The following DGKI variants were observed in gnomAD, a reference collection of about 807,000 sequenced individuals.
DGKI encodes DAG kinase iota.
In DGKI, 55 loss-of-function variants were observed where a neutral mutation model predicts 147.5. The ratio of observed to expected loss-of-function variants is 0.37; its 90% CI spans 0.30 to 0.47. DGKI has a LOEUF of 0.47. DGKI is among the 20% of genes least tolerant of loss of function. The probability of loss-of-function intolerance (pLI) is 1.00; values close to 1 mark genes in which losing one functional copy is unlikely to be tolerated. For synonymous variants in DGKI, 469 were observed against 477.1 expected (o/e 0.98, Z 0.22); for missense variants, 1,007 against 1,323.8 (o/e 0.76, Z 3.71).
At chr7:137,554,230 AGAGTAT>A (rs1462415254) in intron 19 of DGKI, among the ~76,000 whole-genome samples, 2 of 152,360 alleles carry the variant, frequency 1.3e-5, no homozygotes, top group South Asian at 4.1e-4. Flanking sequence ...GGAACAAATT[AGAGTAT>A]AAGTAATTTT....
At chr7:137,468,986 C>A (rs1814770909) in intron 24 of DGKI, among the ~76,000 whole-genome samples, 1 of 152,096 alleles carries the variant, frequency 6.6e-6, no homozygotes, top group Non-Finnish European at 1.5e-5. Context: ...TAGTATTAGG[C>A]AGCATCTAGG....
At chr7:137,409,890 C>G (rs748234728) in intron 29 of DGKI, among the ~76,000 whole-genome samples, 2 of 151,970 alleles carry the variant, frequency 1.3e-5, no homozygotes, top group African/African-American at 4.8e-5. Context: ...CTCTTTGTCT[C>G]TCTCTCTCTC....
At chr7:137,736,807 G>A (rs1795036598) in intron 1 of DGKI, among the ~76,000 whole-genome samples, 1 of 152,052 alleles carries the variant, frequency 6.6e-6, no homozygotes, top group Non-Finnish European at 1.5e-5. Flanking sequence ...AGACCTTGTT[G>A]CAGGCCCTCA....
In DGKI at chr7:137,485,431, TG is replaced by T; in HGVS notation, c.2329-14del. On this transcript the variant is annotated splice_polypyrimidine_tract_variant and intron_variant, in intron 22 of 32. Transcript: ENST00000614521. ...CTGACTGTAGGTCCTAATGAGAAAATGAAAAAAAAAATCCATACCTTAAAAT... is the reference window on the plus strand; with the variant it reads ...CTGACTGTAGGTCCTAATGAGAAAATAAAAAAAAAATCCATACCTTAAAAT... The T allele has an allele frequency of 6.3e-7, 1 of 1,589,038 alleles. No homozygotes were observed.
chr7:137,798,043 A>G (rs571531833), intron 1 of DGKI, among the ~76,000 whole-genome samples: 6 of 152,288 alleles, frequency 3.9e-5, no homozygotes, highest in African/African-American at 1.4e-4. Flanking sequence ...TTACTGAAAT[A>G]TAAGGGAATA....
At chr7:137,610,987 T>C (rs1260021601) in intron 8 of DGKI, among the ~76,000 whole-genome samples, 1 of 152,216 alleles carries the variant, frequency 6.6e-6, no homozygotes, top group South Asian at 2.1e-4. Flanking sequence ...GAGGAGCTCA[T>C]GGGTGCTCTA....
intron 20 of DGKI, among the ~76,000 whole-genome samples, chr7:137,534,391 C>G (rs907168200): frequency 6.6e-6 from 1 of 151,952 alleles, no homozygotes; most frequent in Non-Finnish European, 1.5e-5. Flanking sequence ...AAATATTTTA[C>G]TCACAAAGAC....
chr7:137,578,331 A>T lies in DGKI; in HGVS notation c.1643-6T>A. The T allele has an allele frequency of 6.2e-7, 1 of 1,612,800 alleles. No homozygotes were observed. Among genetic ancestry groups the T allele is most frequent in the African/African-American group, 1.3e-5 (1 of 75,000 alleles). On this transcript the variant is annotated splice_region_variant and splice_polypyrimidine_tract_variant and intron_variant, in intron 15 of 32. Transcript: ENST00000614521. The stretch of plus-strand genomic sequence containing the variant: ...GAATTTCTCTGGATTTGCTTCTGTG[A>T]AAGAGGAAAAGTAGTTTTGTTATGG...
intron 6 of DGKI, among the ~76,000 whole-genome samples, chr7:137,643,372 CCAATGTTTGGAGTGAA>C (rs1354161007): frequency 6.7e-6 from 1 of 150,122 alleles, no homozygotes; most frequent in Non-Finnish European, 1.5e-5. Flanking sequence ...ATGTATAGCA[CCAATGTTTGGAGTGAA>C]TTTTCATTAC....
At chr7:137,519,732 A>C (rs1009174480) in intron 21 of DGKI, among the ~76,000 whole-genome samples, 2 of 152,082 alleles carry the variant, frequency 1.3e-5, no homozygotes, top group African/African-American at 4.8e-5. Flanking sequence ...CAAAAGAGTA[A>C]AGGTTAGTAG....
chr7:137,736,247 G>A (rs1016488113), intron 1 of DGKI, among the ~76,000 whole-genome samples: 2 of 152,018 alleles, frequency 1.3e-5, no homozygotes, highest in Non-Finnish European at 2.9e-5. Flanking sequence ...TATGAATGCT[G>A]GAAACATCAG....
At chr7:137,453,464 T>C (rs1314284925) in intron 27 of DGKI, among the ~76,000 whole-genome samples, 2 of 152,222 alleles carry the variant, frequency 1.3e-5, no homozygotes, top group Non-Finnish European at 2.9e-5. Context: ...AATCCTCTCT[T>C]TGTTTGCTTT....
At chr7:137,391,412 A>AAAAAC (rs1332943612) in intron 32 of DGKI, 76 bp from the exon 33 acceptor site, 19 of 1,080,414 alleles carry the variant, frequency 1.8e-5, no homozygotes, top group Admixed American at 1.7e-4. Flanking sequence ...TACAAAAACA[A>AAAAAC]AAAACAAAAC....
At chr7:137,716,894 C>G (rs922936678) in intron 1 of DGKI, among the ~76,000 whole-genome samples, 3 of 152,164 alleles carry the variant, frequency 2.0e-5, no homozygotes, top group Non-Finnish European at 4.4e-5. Flanking sequence ...TTTTTCCACC[C>G]GTGTTTTTTA....
intron 20 of DGKI, among the ~76,000 whole-genome samples, chr7:137,528,723 T>C (rs1177492619): frequency 2.6e-5 from 4 of 152,176 alleles, no homozygotes; most frequent in Non-Finnish European, 5.9e-5. Context: ...TCTAATTCTA[T>C]ACGCCCCTAT....
rs569555300 is a variant in DGKI at position 137,385,716 on chromosome 7, T to C, written c.*5504A>G. 1 of 152,276 alleles carries C rather than the reference T, an allele frequency of 6.6e-6. No homozygotes were observed. Among genetic ancestry groups the C allele is most frequent in the Non-Finnish European group, 1.5e-5 (1 of 67,996 alleles). 9.4% of individuals were successfully genotyped at this position (152,276 alleles called of 1,614,324 possible). A position where few individuals can be genotyped will look rare whatever the true frequency, so the allele number is the denominator to read the frequency against. On this transcript the variant is annotated 3_prime_UTR_variant, in exon 33 of 33. Coordinates refer to ENST00000614521, the MANE Select transcript of DGKI (RefSeq NM_001321708.2). ...TTCAGATACATTTTTAGAAATCTAC[T>C]ATGACTCCAGTAAAATGGAAATGCA...
intron 28 of DGKI, among the ~76,000 whole-genome samples, chr7:137,415,767 G>GTCAGGAGT (rs1471480950): frequency 1.3e-5 from 2 of 152,132 alleles, no homozygotes; most frequent in Admixed American, 6.5e-5. Flanking sequence ...GGATCACGAG[G>GTCAGGAGT]TCAGGAGTTC....
chr7:137,749,317 G>A (rs1370591041), intron 1 of DGKI, among the ~76,000 whole-genome samples: 7 of 151,982 alleles, frequency 4.6e-5, no homozygotes, highest in African/African-American at 7.2e-5. Context: ...CCTCCCTCCC[G>A]GCTCTTCTTA....
intron 8 of DGKI, among the ~76,000 whole-genome samples, chr7:137,618,487 C>A (rs2128996653): frequency 1.3e-5 from 2 of 150,594 alleles, no homozygotes; most frequent in South Asian, 4.2e-4. Context: ...CACTTCATAA[C>A]AAGACTCTTA....
Sources: gnomAD v4.1 joint callset for allele counts (sites outside exome capture counted in the v4.1 genomes callset) on GRCh38, gnomAD v4.1.1 for gene constraint, MANE v1.5 for transcripts, NCBI Gene and HGNC (gene_info 2026-07-23, HGNC 2026-07-21) for gene names.